ABCA1: variants seen among roughly 807,000 people sequenced by gnomAD.
The protein encoded by ABCA1 is phospholipid-transporting ATPase ABCA1.
Under a neutral mutation model 262.5 loss-of-function variants are expected in ABCA1, and 133 were observed. The ratio of observed to expected loss-of-function variants is 0.51; its 90% confidence interval spans 0.44 to 0.59. The LOEUF (loss-of-function observed/expected upper bound fraction) is 0.59, where lower values mean the gene tolerates loss of function less well. Ranked by LOEUF, ABCA1 falls within the 20% of genes least tolerant of loss-of-function variation. The probability of loss-of-function intolerance (pLI) is 0.00; values close to 1 mark genes in which losing one functional copy is unlikely to be tolerated. For synonymous variants in ABCA1, 1,022 were observed against 1,043.5 expected, an observed-to-expected ratio of 0.98 and a Z score of 0.40; for missense variants, 2,452 against 2,777.5, an observed-to-expected ratio of 0.88 and a Z score of 2.63.
chr9:104,914,090 C>T (rs1197949413), intron 1 of ABCA1, among the ~76,000 whole-genome samples: 1 of 151,996 alleles, frequency 6.6e-6, no homozygotes, highest in Non-Finnish European at 1.5e-5. Context: ...TGAGCCACCG[C>T]ACCCGGCCCC....
At chr9:104,824,746 G>A (rs1253088137) in intron 17 of ABCA1, among the ~76,000 whole-genome samples, 168 bp from the exon 18 acceptor site, 1 of 152,158 alleles carries the variant, frequency 6.6e-6, no homozygotes, top group Non-Finnish European at 1.5e-5. Context: ...TATGTACAAC[G>A]TACATTCTGC....
rs115070072 is a variant in ABCA1, at chr9:104,800,144, C to G, written c.4774-156G>C. 5.0e-3 allele frequency among the ~76,000 whole-genome samples: 765 copies of G among 152,288 alleles called. 8 individuals are homozygous for G. The highest frequency in any genetic ancestry group is 0.018 in the African/African-American group (730 of 41,552). Reference sequence around the variant, plus strand: ...ATCAGAGAATATGGCGAAGTAATTACAGTGTTCAGGACATAGTGATCACTG... The same window carrying G: ...ATCAGAGAATATGGCGAAGTAATTAGAGTGTTCAGGACATAGTGATCACTG... On this transcript the variant is annotated intron_variant, in intron 35 of 49. Coordinates refer to ENST00000374736, the MANE Select transcript of ABCA1 (RefSeq NM_005502.4).
chr9:104,919,334 G>A (rs1366488457), intron 1 of ABCA1, among the ~76,000 whole-genome samples: 4 of 152,206 alleles, frequency 2.6e-5, no homozygotes, highest in East Asian at 3.9e-4. Context: ...AACTTAGGCC[G>A]GGCACTGTGG....
At chr9:104,925,117 G>A (rs528122580) in intron 1 of ABCA1, among the ~76,000 whole-genome samples, 1 of 152,122 alleles carries the variant, frequency 6.6e-6, no homozygotes, top group Non-Finnish European at 1.5e-5. Flanking sequence ...GGTGCCTCAC[G>A]CCTGTAATCC....
At position 104,790,901 on chromosome 9, in the gene ABCA1, ACAAGCC is replaced by A; in HGVS notation, c.5927+15_5927+20del. 1.3e-6 allele frequency: 2 copies of A among 1,511,536 alleles called. No homozygotes were observed. The highest frequency in any genetic ancestry group is 1.8e-6 in the Non-Finnish European group (2 of 1,087,056). The allele number at this position is 1,511,536 out of a possible 1,614,324, so 93.6% of individuals were successfully genotyped here. The stretch of plus-strand genomic sequence containing the variant: ...AAAAACAAAGTCTTTGCAGCAAAAT[ACAAGCC>A]ACTTCTTTTCTCACCTATTTTTGTT... On this transcript the variant is annotated intron_variant, in intron 44 of 49. Transcript: ENST00000374736.
intron 14 of ABCA1, among the ~76,000 whole-genome samples, 197 bp from the exon 15 acceptor site, chr9:104,829,335 C>G (rs932271904): frequency 6.6e-6 from 1 of 152,180 alleles, no homozygotes; most frequent in Non-Finnish European, 1.5e-5. Flanking sequence ...ACGAGGCTAA[C>G]AAAGTGTTGC....
chr9:104,870,673 G>A (rs1054231568), intron 5 of ABCA1, among the ~76,000 whole-genome samples: 6 of 151,976 alleles, frequency 3.9e-5, no homozygotes, highest in African/African-American at 7.3e-5. Context: ...TTTCATGTGC[G>A]TCTGTGTGAA....
intron 20 of ABCA1, among the ~76,000 whole-genome samples, chr9:104,820,415 G>A (rs889558827): frequency 2.0e-5 from 3 of 152,050 alleles, no homozygotes; most frequent in African/African-American, 4.8e-5. Context: ...AAGTCAGCTC[G>A]GCACTCACCT....
At chr9:104,924,010 C>G (rs1188334426) in intron 1 of ABCA1, among the ~76,000 whole-genome samples, 1 of 152,136 alleles carries the variant, frequency 6.6e-6, no homozygotes, top group Non-Finnish European at 1.5e-5. Flanking sequence ...CAGCTGCACT[C>G]CACCCTGTGC....
chr9:104,840,681 G>A (rs1450067362), intron 8 of ABCA1, among the ~76,000 whole-genome samples, 162 bp from the exon 9 acceptor site: 1 of 152,204 alleles, frequency 6.6e-6, no homozygotes, highest in Non-Finnish European at 1.5e-5. Flanking sequence ...GCCTTGGGAT[G>A]AGCTTGCCAG....
At chr9:104,901,235 G>A (rs1356389077) in intron 2 of ABCA1, among the ~76,000 whole-genome samples, 1 of 152,220 alleles carries the variant, frequency 6.6e-6, no homozygotes, top group African/African-American at 2.4e-5. Flanking sequence ...GGGAAGAAAA[G>A]TCACTGTGAT....
At chr9:104,863,465 G>A (rs1399739627) in intron 5 of ABCA1, among the ~76,000 whole-genome samples, 1 of 152,164 alleles carries the variant, frequency 6.6e-6, no homozygotes, top group Admixed American at 6.5e-5. Context: ...AGAGAAACAG[G>A]TTTGATCTGA....
chr9:104,810,440 A>T (rs1195694186), intron 29 of ABCA1, among the ~76,000 whole-genome samples: 1 of 152,214 alleles, frequency 6.6e-6, no homozygotes, highest in East Asian at 1.9e-4. Flanking sequence ...CTATGCTTTG[A>T]CAGTGTGCCC....
chr9:104,810,891 G>A lies in ABCA1; in HGVS notation c.4084C>T (p.Leu1362Phe), dbSNP rs1364173135. Residue 1362 changes from leucine to phenylalanine, a missense_variant, in exon 29 of 50, where the codon CTT becomes TTT. Transcript: ENST00000374736. ...VLPAVFVCIA[L>F]VFSLIVPPFG... ...GGTGGCACGATCAGGCTGAACACAA[G>A]GGCAATGCAGACAAACACAGCTGGC... The A allele has an allele frequency of 6.2e-7, 1 of 1,614,224 alleles. No homozygotes were observed. The highest frequency in any genetic ancestry group is 1.7e-5 in the Admixed American group (1 of 60,024).
Position 104,817,599 on chromosome 9 carries a change from C to T in ABCA1, c.3463-195G>A, listed in dbSNP as rs2297402. The stretch of plus-strand genomic sequence containing the variant: ...CATGTGTGTGCCGTGTGAACAGCCT[C>T]GCTTCCTGAGGGTGAAAGGTCAGGA... On this transcript the variant is annotated intron_variant, in intron 23 of 49. Coordinates refer to ENST00000374736, the MANE Select transcript of ABCA1 (RefSeq NM_005502.4). This position sits in a 1 kb window ranked among gnomAD's most constrained non-coding sequence, Gnocchi z 4.7. Among the ~76,000 whole-genome samples the T allele has an allele frequency of 0.032, 4,832 of 152,300 alleles. 104 individuals carry two copies. Among genetic ancestry groups the T allele is most frequent in the East Asian group, 0.081 (418 of 5,178 alleles).
At chr9:104,866,876 C>T (rs1837142588) in intron 5 of ABCA1, among the ~76,000 whole-genome samples, 3 of 152,088 alleles carry the variant, frequency 2.0e-5, no homozygotes, top group African/African-American at 7.2e-5. Flanking sequence ...TATCCTGCTC[C>T]CAGAAGAATA....
chr9:104,915,559 G>A (rs1841795257), intron 1 of ABCA1, among the ~76,000 whole-genome samples: 1 of 152,142 alleles, frequency 6.6e-6, no homozygotes, highest in Non-Finnish European at 1.5e-5. Context: ...TCTATTATAT[G>A]AGGTCTGAGA....
chr9:104,857,467 C>G (rs534852383), intron 7 of ABCA1, among the ~76,000 whole-genome samples: 12 of 152,126 alleles, frequency 7.9e-5, no homozygotes, highest in Non-Finnish European at 1.6e-4. Flanking sequence ...GCTGACCTCA[C>G]GTGATCTGCC....
chr9:104,845,445 C>T (rs1834780427), intron 8 of ABCA1, 32 bp downstream of exon 8: 1 of 1,503,638 alleles, frequency 6.7e-7, no homozygotes. Context: ...AGTGGATGAT[C>T]CGCTTCCTGG....
Sources: allele counts gnomAD v4.1 joint callset (sites outside exome capture counted in the v4.1 genomes callset), GRCh38; gene constraint gnomAD v4.1.1; non-coding constraint Gnocchi (gnomAD v3.1); transcripts MANE v1.5; gene names NCBI Gene and HGNC (gene_info 2026-07-23, HGNC 2026-07-21).